Variants in KCNT2 observed in about 807,000 individuals in gnomAD.
The protein encoded by KCNT2 is potassium sodium-activated channel subfamily T member 2.
KCNT2 carries 67 observed loss-of-function variants against 153.8 expected under a neutral mutation model. The observed-to-expected ratio is 0.44, with a 90% CI of 0.36 to 0.53. The LOEUF (loss-of-function observed/expected upper bound fraction) is 0.53, where lower values mean the gene tolerates loss of function less well. Among genes scored for constraint, KCNT2 ranks in the 20% least tolerant of loss-of-function variants. KCNT2 has a pLI of 0.00. For missense variants in KCNT2, 975 were observed against 1,354.8 expected (o/e 0.72, Z 4.40); for synonymous variants, 500 against 458.8 (o/e 1.09, Z -1.15).
intron 1 of KCNT2, among the ~76,000 whole-genome samples, chr1:196,527,895 T>C (rs1324879044): frequency 6.6e-6 from 1 of 152,208 alleles, no homozygotes; most frequent in Non-Finnish European, 1.5e-5. Flanking sequence ...CCAAATTTCT[T>C]CTGCCATTTT....
chr1:196,530,681 A>T (rs1654819922), intron 1 of KCNT2, among the ~76,000 whole-genome samples: 1 of 152,088 alleles, frequency 6.6e-6, no homozygotes, highest in Non-Finnish European at 1.5e-5. Context: ...CCATTTTCTT[A>T]TACTGATCAC....
chr1:196,498,963 A>G (rs1178927929), intron 1 of KCNT2, among the ~76,000 whole-genome samples: 1 of 152,228 alleles, frequency 6.6e-6, no homozygotes, highest in Non-Finnish European at 1.5e-5. Flanking sequence ...GTCATTGCAG[A>G]TATAATTAGT....
chr1:196,587,745 G>C (rs906538506), intron 1 of KCNT2, among the ~76,000 whole-genome samples: 1 of 151,922 alleles, frequency 6.6e-6, no homozygotes, highest in Non-Finnish European at 1.5e-5. Flanking sequence ...AACCCATAGA[G>C]TATGTAACCC....
chr1:196,553,193 T>C (rs549448408), intron 1 of KCNT2, among the ~76,000 whole-genome samples: 1 of 150,386 alleles, frequency 6.6e-6, no homozygotes, highest in Non-Finnish European at 1.5e-5. Flanking sequence ...ATAATGAAAA[T>C]AATAAGATAG....
At chr1:196,233,433 C>A (rs1173646973) in intron 27 of KCNT2, among the ~76,000 whole-genome samples, 1 of 151,356 alleles carries the variant, frequency 6.6e-6, no homozygotes, top group Non-Finnish European at 1.5e-5. Context: ...CCTGTTTCTG[C>A]CCTAAAACAA....
chr1:196,285,899 T>A, intron 22 of KCNT2, 141 bp from the exon 23 acceptor site: 1 of 597,742 alleles, frequency 1.7e-6, no homozygotes, highest in Non-Finnish European at 3.0e-6. Flanking sequence ...TCACTGATAA[T>A]CATATTTTTT....
intron 25 of KCNT2, among the ~76,000 whole-genome samples, chr1:196,278,851 C>A (rs1193173977): frequency 1.3e-5 from 2 of 152,128 alleles, no homozygotes; most frequent in Non-Finnish European, 2.9e-5. Flanking sequence ...CCCCACAATG[C>A]ATATGTGAAA....
At chr1:196,560,067 T>C (rs923520602) in intron 1 of KCNT2, among the ~76,000 whole-genome samples, 6 of 152,048 alleles carry the variant, frequency 3.9e-5, no homozygotes, top group Non-Finnish European at 8.8e-5. Context: ...CCGTATGTGA[T>C]TCTTTTACAT....
chr1:196,563,438 CAA>C (rs1157847804), intron 1 of KCNT2, among the ~76,000 whole-genome samples: 2 of 59,298 alleles, frequency 3.4e-5, no homozygotes, highest in Non-Finnish European at 3.5e-5. Flanking sequence ...TCCCCAATAA[CAA>C]AAAAAAAAAA....
At chr1:196,532,137 T>A (rs1465911117) in intron 1 of KCNT2, among the ~76,000 whole-genome samples, 2 of 151,956 alleles carry the variant, frequency 1.3e-5, no homozygotes, top group African/African-American at 2.4e-5. Context: ...AAGAATAAAA[T>A]AAGGATCAAC....
intron 8 of KCNT2, among the ~76,000 whole-genome samples, chr1:196,446,907 C>T (rs2148606115): frequency 6.6e-6 from 1 of 151,678 alleles, no homozygotes; most frequent in African/African-American, 2.4e-5. Flanking sequence ...ACTCTTTTTA[C>T]TACCACCTGT....
rs1301954959 is a variant in KCNT2 at position 196,500,207 on chromosome 1, AGAGAGAGAGAGAGAGACG to A, written c.96-7884_96-7867del. 4.0e-4 allele frequency among the ~76,000 whole-genome samples: 52 copies of A among 129,066 alleles called. 1 individual carries two copies. The highest frequency in any genetic ancestry group is 3.0e-3 in the South Asian group (11 of 3,610). The allele number at this position is 129,066 out of a possible 152,430, so 84.7% of individuals were successfully genotyped here. ...GGAAGGGAGGGAGGGAAGGAGGGGG[AGAGAGAGAGAGAGAGACG>A]GAGAGAGAGAGAGAGAGAAAGAAAG... On this transcript the variant is annotated intron_variant, in intron 1 of 27. Transcript: ENST00000294725.
intron 22 of KCNT2, among the ~76,000 whole-genome samples, chr1:196,294,208 C>A (rs1053263292): frequency 1.1e-4 from 16 of 152,012 alleles, no homozygotes; most frequent in Non-Finnish European, 2.2e-4. Flanking sequence ...TAAGTGTTAG[C>A]CAGAGGAGTG....
At chr1:196,559,864 C>T (rs1659155059) in intron 1 of KCNT2, among the ~76,000 whole-genome samples, 1 of 151,622 alleles carries the variant, frequency 6.6e-6, no homozygotes, top group Non-Finnish European at 1.5e-5. Context: ...TATTATCCAT[C>T]TTTTAATTTT....
At chr1:196,377,451 A>G (rs1669069914) in intron 13 of KCNT2, among the ~76,000 whole-genome samples, 1 of 152,056 alleles carries the variant, frequency 6.6e-6, no homozygotes, top group African/African-American at 2.4e-5. Context: ...TGCATACTGT[A>G]GAAATACATC....
At chr1:196,411,257 C>T (rs956143597) in intron 12 of KCNT2, among the ~76,000 whole-genome samples, 4 of 150,958 alleles carry the variant, frequency 2.6e-5, no homozygotes, top group Non-Finnish European at 5.9e-5. Flanking sequence ...TTTTTAGGCT[C>T]TTTATTAGTC....
chr1:196,439,670 A>G (rs1373576748), intron 8 of KCNT2, among the ~76,000 whole-genome samples: 4 of 152,014 alleles, frequency 2.6e-5, no homozygotes, highest in Non-Finnish European at 5.9e-5. Context: ...TGAATTTAAC[A>G]TTCCTATTAG....
intron 8 of KCNT2, among the ~76,000 whole-genome samples, chr1:196,442,865 A>T (rs1187537182): frequency 6.6e-6 from 1 of 151,772 alleles, no homozygotes; most frequent in African/African-American, 2.4e-5. Context: ...ATATGGTAAC[A>T]CAATCATATT....
At chr1:196,417,874 T>C (rs1361559213) in intron 12 of KCNT2, among the ~76,000 whole-genome samples, 1 of 152,114 alleles carries the variant, frequency 6.6e-6, no homozygotes, top group Non-Finnish European at 1.5e-5. Context: ...TTACAACAGC[T>C]ATGATGTCAC....
Sources: gnomAD v4.1 joint callset for allele counts (sites outside exome capture counted in the v4.1 genomes callset) on GRCh38, gnomAD v4.1.1 for gene constraint, MANE v1.5 for transcripts, NCBI Gene and HGNC (gene_info 2026-07-23, HGNC 2026-07-21) for gene names.